The following PLCB4 variants were observed in gnomAD, a reference collection of about 807,000 sequenced individuals.
The protein encoded by PLCB4 is 1-phosphatidylinositol 4,5-bisphosphate phosphodiesterase beta-4.
In PLCB4, 77 loss-of-function variants were observed where a neutral mutation model predicts 178.8. The ratio of observed to expected loss-of-function variants is 0.43; its 90% CI spans 0.36 to 0.52. The LOEUF (loss-of-function observed/expected upper bound fraction) is 0.52, where lower values mean the gene tolerates loss of function less well. Ranked by LOEUF, PLCB4 falls within the 20% of genes least tolerant of loss-of-function variation. PLCB4 has a pLI of 0.00. For synonymous variants in PLCB4, 496 were observed against 490.8 expected, an observed-to-expected ratio of 1.01 and a Z score of -0.14; for missense variants, 1,024 against 1,453.4, an observed-to-expected ratio of 0.70 and a Z score of 4.80.
chr20:9,373,385 G>A (rs1029595085), intron 12 of PLCB4, among the ~76,000 whole-genome samples: 3 of 152,132 alleles, frequency 2.0e-5, no homozygotes, highest in African/African-American at 7.2e-5. Context: ...ATTCATTTAA[G>A]TAAATGTGTC....
chr20:9,362,252 A>C (rs2035406967), intron 7 of PLCB4, among the ~76,000 whole-genome samples: 1 of 152,146 alleles, frequency 6.6e-6, no homozygotes, highest in Non-Finnish European at 1.5e-5. Flanking sequence ...TAGAGACCCA[A>C]ATTCCTCTAC....
At chr20:9,462,170 G>A (rs2043443759) in intron 35 of PLCB4, among the ~76,000 whole-genome samples, 1 of 152,196 alleles carries the variant, frequency 6.6e-6, no homozygotes, top group African/African-American at 2.4e-5. Context: ...GCAGCTGAGG[G>A]ACCTGACTAG....
chr20:9,342,682 TTACTC>T (rs2033362766), intron 7 of PLCB4, among the ~76,000 whole-genome samples: 1 of 151,674 alleles, frequency 6.6e-6, no homozygotes, highest in Admixed American at 6.6e-5. Flanking sequence ...CCCCTGTACT[TTACTC>T]TGAATGCCTC....
At chr20:9,147,137 C>A (rs890454543) in intron 2 of PLCB4, among the ~76,000 whole-genome samples, 2 of 152,064 alleles carry the variant, frequency 1.3e-5, no homozygotes, top group Admixed American at 1.3e-4. Flanking sequence ...AGGGGAGAAT[C>A]CGATTAGGGA....
chr20:9,465,187 A>G (rs2043684369), intron 35 of PLCB4, among the ~76,000 whole-genome samples: 1 of 152,220 alleles, frequency 6.6e-6, no homozygotes, highest in South Asian at 2.1e-4. Context: ...AACAAAAACC[A>G]CATGATTATC....
intron 2 of PLCB4, among the ~76,000 whole-genome samples, chr20:9,111,005 TTTCCAAGGTG>T (rs2091555823): frequency 6.6e-6 from 1 of 152,190 alleles, no homozygotes; most frequent in African/African-American, 2.4e-5. Context: ...ATTCAAACTG[TTTCCAAGGTG>T]AGCTGCTAAG....
chr20:9,441,042 A>G (rs2042072502), intron 30 of PLCB4, among the ~76,000 whole-genome samples: 1 of 152,210 alleles, frequency 6.6e-6, no homozygotes, highest in Non-Finnish European at 1.5e-5. Context: ...TCTAGAATGG[A>G]AGGCATCATG....
intron 2 of PLCB4, among the ~76,000 whole-genome samples, chr20:9,173,834 T>C (rs2093106953): frequency 6.6e-6 from 1 of 152,186 alleles, no homozygotes; most frequent in Admixed American, 6.5e-5. Context: ...ACAGGTTCCA[T>C]GTTCCACACC....
rs903464721 is a variant in PLCB4, at chr20:9,444,118, A to G, written c.2815-60A>G. 4.1e-6 allele frequency: 6 copies of G among 1,453,384 alleles called. No individual in the cohort carries two copies. The Middle Eastern group carries it at 5.4e-4, about 130-fold the overall frequency. 90.0% of individuals were successfully genotyped at this position (1,453,384 alleles called of 1,614,324 possible). On this transcript the variant is annotated intron_variant, in intron 31 of 39. Transcript: ENST00000378473. Reference sequence around the variant, plus strand: ...TTTTTGTTTCTCACCAAGTGTAATCATTGTGATTACAAAAAGAAAAAACAA... The same window carrying G: ...TTTTTGTTTCTCACCAAGTGTAATCGTTGTGATTACAAAAAGAAAAAACAA...
Position 9,298,367 on chromosome 20 carries a change from G to C in PLCB4, c.-15-9433G>C, listed in dbSNP as rs191565518. 2.6e-5 allele frequency among the ~76,000 whole-genome samples: 4 copies of C among 152,124 alleles called. No individual in the cohort carries two copies. The South Asian group carries it at 8.3e-4, about 32-fold the overall frequency. On this transcript the variant is annotated intron_variant, in intron 3 of 39. Transcript: ENST00000378473. The stretch of plus-strand genomic sequence containing the variant: ...TTAAATAAATTTGTATGTCTCTCTT[G>C]TTAACCTGTCTTTTGTTATAGAGGG...
At chr20:9,421,567 T>C in intron 27 of PLCB4, 106 bp downstream of exon 27, 2 of 837,860 alleles carry the variant, frequency 2.4e-6, no homozygotes, top group Non-Finnish European at 3.8e-6. Flanking sequence ...GACAACATCT[T>C]CTTTTTCTCT....
intron 28 of PLCB4, among the ~76,000 whole-genome samples, chr20:9,427,587 G>A (rs1261459415): frequency 6.6e-6 from 1 of 152,166 alleles, no homozygotes; most frequent in African/African-American, 2.4e-5. Context: ...TATCTTTGCT[G>A]CTTTATCTGT....
At position 9,461,517 on chromosome 20, in the gene PLCB4, G is replaced by A. The variant is rs2043390896; in HGVS notation, c.3248+1707G>A. 2.6e-5 allele frequency among the ~76,000 whole-genome samples: 4 copies of A among 152,320 alleles called. No homozygotes were observed. In the South Asian group the frequency reaches 8.3e-4, roughly 32 times the overall value. On this transcript the variant is annotated intron_variant, in intron 35 of 39. Transcript: ENST00000378473. ...CCCTTTCCTAGCCAAAGGAAGCCGTGACAGACTGTCTCTGGAAAAACAGGA... is the reference window on the plus strand; with the variant it reads ...CCCTTTCCTAGCCAAAGGAAGCCGTAACAGACTGTCTCTGGAAAAACAGGA...
At chr20:9,465,857 G>T (rs939927995) in intron 35 of PLCB4, among the ~76,000 whole-genome samples, 16 of 152,140 alleles carry the variant, frequency 1.1e-4, no homozygotes, top group Non-Finnish European at 1.9e-4. Context: ...TGCCCATACT[G>T]CCCAAGGTAA....
At chr20:9,125,387 G>A (rs983099110) in intron 2 of PLCB4, among the ~76,000 whole-genome samples, 1 of 152,020 alleles carries the variant, frequency 6.6e-6, no homozygotes, top group African/African-American at 2.4e-5. Flanking sequence ...GTGGTAAGAA[G>A]TAAAAATGGA....
In PLCB4 at chr20:9,273,675, A is replaced by AGTGTGT. The variant is rs398035325; in HGVS notation, c.-15-34086_-15-34081dup. Among the ~76,000 whole-genome samples the AGTGTGT allele has an allele frequency of 9.4e-3, 1,284 of 135,920 alleles. 9 individuals are homozygous for AGTGTGT. Among genetic ancestry groups the AGTGTGT allele is most frequent in the East Asian group, 0.049 (224 of 4,576 alleles). 89.2% of individuals were successfully genotyped at this position (135,920 alleles called of 152,430 possible). A position where few individuals can be genotyped will look rare whatever the true frequency, so the allele number is the denominator to read the frequency against. ...AATACAGACTGGTTATTATGGTTGC[A>AGTGTGT]GTGTGTGTGTGTGTGTGTGTGTGTG... On this transcript the variant is annotated intron_variant, in intron 3 of 39. Coordinates refer to ENST00000378473, the MANE Select transcript of PLCB4 (RefSeq NM_001377142.1).
At chr20:9,102,082 TC>T (rs2091177985) in intron 2 of PLCB4, among the ~76,000 whole-genome samples, 1 of 152,122 alleles carries the variant, frequency 6.6e-6, no homozygotes, top group Non-Finnish European at 1.5e-5. Context: ...TGACCTCAGG[TC>T]ATCTGCCTGC....
chr20:9,355,111 C>A (rs1001468512), intron 7 of PLCB4, among the ~76,000 whole-genome samples: 4 of 152,154 alleles, frequency 2.6e-5, no homozygotes, highest in African/African-American at 9.7e-5. Context: ...AACTACCAGT[C>A]TAGTCTCTCT....
chr20:9,125,326 G>A (rs900371276), intron 2 of PLCB4, among the ~76,000 whole-genome samples: 9 of 152,034 alleles, frequency 5.9e-5, no homozygotes, highest in South Asian at 4.2e-4. Flanking sequence ...GTTTATTAAG[G>A]TATATTATAC....
Sources: gnomAD v4.1 joint callset for allele counts (sites outside exome capture counted in the v4.1 genomes callset) on GRCh38, gnomAD v4.1.1 for gene constraint, MANE v1.5 for transcripts, NCBI Gene and HGNC (gene_info 2026-07-23, HGNC 2026-07-21) for gene names.